FTO: variants seen among roughly 807,000 people sequenced by gnomAD.
FTO encodes the protein FTO alpha-ketoglutarate dependent dioxygenase, also known as alpha-ketoglutarate-dependent dioxygenase FTO.
A neutral mutation model predicts 63.9 loss-of-function variants in FTO; 47 were observed. The ratio of observed to expected loss-of-function variants is 0.74; its 90% CI spans 0.58 to 0.94. The LOEUF (loss-of-function observed/expected upper bound fraction) is 0.94, where lower values mean the gene tolerates loss of function less well. Among genes scored for constraint, FTO ranks in the 40% least tolerant of loss-of-function variants. The probability of loss-of-function intolerance (pLI) is 0.00; values close to 1 mark genes in which losing one functional copy is unlikely to be tolerated. For synonymous variants in FTO, 207 were observed against 224.4 expected, an observed-to-expected ratio of 0.92 and a Z score of 0.69; for missense variants, 562 against 618.1, an observed-to-expected ratio of 0.91 and a Z score of 0.96.
At chr16:54,090,969 A>G (rs1334932535) in intron 8 of FTO, among the ~76,000 whole-genome samples, 2 of 152,130 alleles carry the variant, frequency 1.3e-5, no homozygotes, top group African/African-American at 4.8e-5. Flanking sequence ...TGCTCCTTAC[A>G]TGGCGGCTCA....
At chr16:53,716,143 C>T (rs900283067) in intron 1 of FTO, among the ~76,000 whole-genome samples, 2 of 152,156 alleles carry the variant, frequency 1.3e-5, no homozygotes, top group African/African-American at 2.4e-5. Flanking sequence ...CTGACATCCA[C>T]TTTGAGACTT....
At chr16:54,106,477 T>C (rs1599377063) in intron 8 of FTO, among the ~76,000 whole-genome samples, 1 of 146,126 alleles carries the variant, frequency 6.8e-6, no homozygotes, top group Admixed American at 7.0e-5. Flanking sequence ...TATACACATA[T>C]AATATGTAAT....
At position 53,968,133 on chromosome 16, in the gene FTO, C is replaced by G. The variant is rs146430233; in HGVS notation, c.1364+34024C>G. Among the ~76,000 whole-genome samples, 25 of 152,208 alleles carry G rather than the reference C, an allele frequency of 1.6e-4. 1 individual carries two copies. ...TATATACACATTGCACATACAAGCA[C>G]ATTGTATGTGCACTTAGGAACTTAG... On this transcript the variant is annotated intron_variant, in intron 8 of 8. Transcript: ENST00000471389.
chr16:53,999,600 T>G (rs1019569775), intron 8 of FTO: 7 of 152,204 alleles, frequency 4.6e-5, no homozygotes, highest in Non-Finnish European at 7.3e-5. Flanking sequence ...TGCTTGGTAG[T>G]CCCTGAACAG....
chr16:53,784,120 C>T (rs1283967701), intron 1 of FTO, among the ~76,000 whole-genome samples: 3 of 152,184 alleles, frequency 2.0e-5, no homozygotes, highest in East Asian at 1.9e-4. Context: ...ATGAGGGTTT[C>T]GTCTTAAAAC....
At chr16:53,840,307 A>G (rs1219649664) in intron 3 of FTO, among the ~76,000 whole-genome samples, 2 of 152,104 alleles carry the variant, frequency 1.3e-5, no homozygotes, top group African/African-American at 4.8e-5. Flanking sequence ...TTTTTATATC[A>G]TATTCTTTTG....
At chr16:53,724,475 C>G (rs555809591) in intron 1 of FTO, among the ~76,000 whole-genome samples, 5 of 152,222 alleles carry the variant, frequency 3.3e-5, no homozygotes, top group Admixed American at 2.0e-4. Context: ...TAAATACTGT[C>G]TCTGATGGGG....
intron 4 of FTO, among the ~76,000 whole-genome samples, chr16:53,852,732 G>C (rs566228604): frequency 1.3e-5 from 2 of 152,262 alleles, no homozygotes; most frequent in Admixed American, 1.3e-4. Context: ...TTAATCAAAA[G>C]CTCAAAATTA....
At chr16:53,883,490 C>T (rs543345120) in intron 6 of FTO, among the ~76,000 whole-genome samples, 125 of 151,964 alleles carry the variant, frequency 8.2e-4, no homozygotes, top group Non-Finnish European at 1.4e-3. Flanking sequence ...GGTGTGGTGG[C>T]GGGCGCCTGT....
chr16:53,868,070 CTG>C (rs1418429735), intron 4 of FTO, among the ~76,000 whole-genome samples: 6 of 152,012 alleles, frequency 3.9e-5, no homozygotes, highest in African/African-American at 1.2e-4. Flanking sequence ...TAAGTTTAAT[CTG>C]TGTGTTTCTT....
At chr16:53,913,704 C>T (rs1168749515) in intron 7 of FTO, among the ~76,000 whole-genome samples, 2 of 152,106 alleles carry the variant, frequency 1.3e-5, no homozygotes, top group African/African-American at 2.4e-5. Context: ...GTAGACCTGG[C>T]GCAGTGGCTC....
At chr16:53,836,124 C>T (rs2079285284) in intron 3 of FTO, among the ~76,000 whole-genome samples, 1 of 152,174 alleles carries the variant, frequency 6.6e-6, no homozygotes, top group Non-Finnish European at 1.5e-5. Context: ...TTCCTGACTT[C>T]AGGTGATCTG....
chr16:53,957,195 A>C (rs1389559668), intron 8 of FTO, among the ~76,000 whole-genome samples: 2 of 152,174 alleles, frequency 1.3e-5, no homozygotes, highest in Non-Finnish European at 2.9e-5. Flanking sequence ...AACAGATGCA[A>C]GCATTGTTGC....
intron 1 of FTO, among the ~76,000 whole-genome samples, chr16:53,766,210 T>C (rs1449667364): frequency 6.6e-6 from 1 of 152,092 alleles, no homozygotes; most frequent in Non-Finnish European, 1.5e-5. Flanking sequence ...CTTGAGTAAC[T>C]AGATTGGTTT....
intron 7 of FTO, among the ~76,000 whole-genome samples, chr16:53,913,535 T>C (rs534690796): frequency 1.3e-5 from 2 of 152,204 alleles, no homozygotes; most frequent in Non-Finnish European, 2.9e-5. Context: ...TAAAGTGTAT[T>C]TGACAAGCAA....
intron 8 of FTO, among the ~76,000 whole-genome samples, chr16:54,098,560 T>A (rs1398484780): frequency 6.6e-6 from 1 of 152,218 alleles, no homozygotes; most frequent in East Asian, 1.9e-4. Flanking sequence ...GGCCTTTTAT[T>A]CTGTAAGCCA....
chr16:53,876,093 T>C (rs2080642178), intron 5 of FTO, among the ~76,000 whole-genome samples: 1 of 152,142 alleles, frequency 6.6e-6, no homozygotes, highest in Admixed American at 6.6e-5. Flanking sequence ...TTTGAATAGG[T>C]AGTTAATGCA....
rs181139543 is a variant in FTO, at chr16:54,116,506, G to A, written c.*4591G>A. The A allele has an allele frequency of 6.6e-6, 1 of 152,290 alleles. No homozygotes were observed. Among genetic ancestry groups the A allele is most frequent in the East Asian group, 1.9e-4 (1 of 5,180 alleles). 9.4% of individuals were successfully genotyped at this position (152,290 alleles called of 1,614,324 possible). A position where few individuals can be genotyped will look rare whatever the true frequency, so the allele number is the denominator to read the frequency against. On this transcript the variant is annotated 3_prime_UTR_variant, in exon 9 of 9. Transcript: ENST00000471389. ...TATTTTTAATTAAGTTTCATTGGGA[G>A]CCATAGGTATCGCGGTGGTGAAATC...
intron 1 of FTO, among the ~76,000 whole-genome samples, chr16:53,796,611 C>T (rs1015410434): frequency 6.6e-6 from 1 of 152,122 alleles, no homozygotes; most frequent in Non-Finnish European, 1.5e-5. Context: ...GAAGTTGATA[C>T]ATACCTAGAA....
Sources: allele counts gnomAD v4.1 joint callset (sites outside exome capture counted in the v4.1 genomes callset), GRCh38; gene constraint gnomAD v4.1.1; transcripts MANE v1.5; gene names NCBI Gene and HGNC (gene_info 2026-07-23, HGNC 2026-07-21).